ODAD2: variants seen among roughly 807,000 people sequenced by gnomAD.
The protein encoded by ODAD2 is outer dynein arm docking complex subunit 2, also known as outer dynein arm-docking complex subunit 2.
In ODAD2, 89 loss-of-function variants were observed where a neutral mutation model predicts 106.8. The ratio of observed to expected loss-of-function variants is 0.83; its 90% CI spans 0.70 to 0.99. The LOEUF (loss-of-function observed/expected upper bound fraction) is 0.99. Among genes scored for constraint, ODAD2 ranks in the 50% least tolerant of loss-of-function variants. ODAD2 has a pLI of 0.00. For missense variants in ODAD2, 1,168 were observed against 1,238.5 expected (o/e 0.94, Z 0.85); for synonymous variants, 404 against 436.2 (o/e 0.93, Z 0.92).
chr10:27,884,035 G>T (rs1368020407), intron 17 of ODAD2, among the ~76,000 whole-genome samples: 5 of 151,866 alleles, frequency 3.3e-5, no homozygotes, highest in African/African-American at 7.3e-5. Context: ...ATGGCCAAAA[G>T]TTCTCCAAAT....
intron 12 of ODAD2, among the ~76,000 whole-genome samples, chr10:27,941,021 T>A (rs1414736713): frequency 6.6e-6 from 1 of 152,124 alleles, no homozygotes; most frequent in African/African-American, 2.4e-5. Flanking sequence ...TACATTTCCT[T>A]CCCACAAGAA....
At chr10:27,904,347 G>A (rs2368274) in intron 17 of ODAD2, 17 of 280,788 alleles carry the variant, frequency 6.1e-5, no homozygotes, top group East Asian at 4.6e-4. Context: ...GAAGCAGAGC[G>A]GGAATCTTGG....
chr10:27,909,482 T>C (rs774794629), intron 16 of ODAD2, among the ~76,000 whole-genome samples: 4 of 152,162 alleles, frequency 2.6e-5, no homozygotes, highest in Non-Finnish European at 2.9e-5. Context: ...GCTACTTAGC[T>C]ATAATGAGTG....
intron 10 of ODAD2, among the ~76,000 whole-genome samples, chr10:27,961,286 C>T (rs1848122118): frequency 6.6e-6 from 1 of 152,156 alleles, no homozygotes; most frequent in South Asian, 2.1e-4. Context: ...TACCATACTA[C>T]AAATCATAAA....
At chr10:27,954,607 T>C (rs998881951) in intron 10 of ODAD2, among the ~76,000 whole-genome samples, 5 of 152,370 alleles carry the variant, frequency 3.3e-5, no homozygotes, top group African/African-American at 1.2e-4. Flanking sequence ...GGTAGCATAG[T>C]GCTAGCTAGT....
intron 19 of ODAD2, among the ~76,000 whole-genome samples, chr10:27,819,013 T>C (rs1564393512): frequency 6.6e-6 from 1 of 152,218 alleles, no homozygotes; most frequent in East Asian, 1.9e-4. Flanking sequence ...AGGGATCACA[T>C]ACCTCTGGGG....
At chr10:27,947,862 G>T (rs188124014) in intron 10 of ODAD2, among the ~76,000 whole-genome samples, 93 of 152,284 alleles carry the variant, frequency 6.1e-4, no homozygotes, top group African/African-American at 2.2e-3. Context: ...TTAATCGCTC[G>T]TGCTGAGGAC....
chr10:27,910,791 C>A (rs148079636), intron 16 of ODAD2, among the ~76,000 whole-genome samples: 1 of 151,876 alleles, frequency 6.6e-6, no homozygotes, highest in African/African-American at 2.4e-5. Context: ...AACAAAAAAA[C>A]AGATACAGTC....
In ODAD2 at chr10:27,998,471, A is replaced by AC. The variant is rs560210819; in HGVS notation, c.-39+522dup. Among the ~76,000 whole-genome samples the AC allele has an allele frequency of 1.8e-3, 280 of 152,132 alleles. 3 individuals carry two copies. The highest frequency in any genetic ancestry group is 6.5e-3 in the African/African-American group (270 of 41,524). On this transcript the variant is annotated intron_variant, in intron 1 of 19. Transcript: ENST00000305242. ...GAGCTGCAAAGGGCGGAGGAGAAAG[A>AC]CGGGCTGGGGGAAGGAGAGGCAGGG...
At chr10:27,916,794 T>G (rs1844405647) in intron 16 of ODAD2, among the ~76,000 whole-genome samples, 1 of 152,148 alleles carries the variant, frequency 6.6e-6, no homozygotes, top group African/African-American at 2.4e-5. Flanking sequence ...TGGTCAACAG[T>G]AGGCTATTAG....
At chr10:27,954,868 C>T (rs1423066750) in intron 10 of ODAD2, among the ~76,000 whole-genome samples, 2 of 152,180 alleles carry the variant, frequency 1.3e-5, no homozygotes, top group Admixed American at 6.5e-5. Flanking sequence ...ACACACATTA[C>T]CAGTAATCCA....
intron 19 of ODAD2, among the ~76,000 whole-genome samples, chr10:27,830,853 T>C (rs1437321107): frequency 1.3e-5 from 2 of 152,252 alleles, no homozygotes; most frequent in Admixed American, 6.5e-5. Flanking sequence ...ACTTATTTTG[T>C]GTTAATATGG....
chr10:27,845,672 G>T (rs996149720), intron 19 of ODAD2, among the ~76,000 whole-genome samples: 1 of 152,126 alleles, frequency 6.6e-6, no homozygotes, highest in East Asian at 1.9e-4. Context: ...GTATTCGGGA[G>T]ACCCATCTCA....
At position 27,885,557 on chromosome 10, in the gene ODAD2, AATATAAATATATATATATAT is replaced by A. The variant is rs1842052461; in HGVS notation, c.2610+22086_2610+22105del. 8.4e-4 allele frequency among the ~76,000 whole-genome samples: 14 copies of A among 16,702 alleles called. 2 individuals carry two copies. The highest frequency in any genetic ancestry group is 4.8e-3 in the Admixed American group (4 of 826). The allele number at this position is 16,702 out of a possible 152,430, so 11.0% of individuals were successfully genotyped here. On this transcript the variant is annotated intron_variant, in intron 17 of 19. Coordinates refer to ENST00000305242, the MANE Select transcript of ODAD2 (RefSeq NM_018076.5). ...AAATATATATATATATAAATATATA[AATATAAATATATATATATAT>A]AAATATATAAATATAAATATATATA...
rs555269800 is a variant in ODAD2 at position 27,871,837 on chromosome 10, A to T, written c.2611-9215T>A. ...GGACTTAGGATTGTCTTGGCAATGC[A>T]GGGTCTTTTTTGGTTCCACATGAAC... On this transcript the variant is annotated intron_variant, in intron 17 of 19. Transcript: ENST00000305242. Among the ~76,000 whole-genome samples the T allele has an allele frequency of 3.9e-5, 6 of 152,218 alleles. No homozygotes were observed. The East Asian group carries it at 7.7e-4, about 20-fold the overall frequency.
chr10:27,816,773 A>AAGTCTCGCTCTTTTGCCCAGGCTGG (rs1836165424), intron 19 of ODAD2, among the ~76,000 whole-genome samples: 1 of 152,082 alleles, frequency 6.6e-6, no homozygotes, highest in African/African-American at 2.4e-5. Flanking sequence ...TTGTTTAGAC[A>AAGTCTCGCTCTTTTGCCCAGGCTGG]AGTCTCGCTC....
chr10:27,903,421 T>C (rs557546934), intron 17 of ODAD2, among the ~76,000 whole-genome samples: 1 of 152,318 alleles, frequency 6.6e-6, no homozygotes, highest in East Asian at 1.9e-4. Context: ...ACCACTGCTA[T>C]TCAATATAGT....
chr10:27,826,339 G>A (rs1375483406), intron 19 of ODAD2, among the ~76,000 whole-genome samples: 3 of 152,082 alleles, frequency 2.0e-5, no homozygotes, highest in African/African-American at 7.2e-5. Flanking sequence ...TGCAGCAATG[G>A]CACACACATT....
chr10:27,917,581 A>T (rs4265508), intron 16 of ODAD2, among the ~76,000 whole-genome samples: 86,046 of 151,776 alleles, frequency 0.57, 24,662 homozygotes, highest in Middle Eastern at 0.64. Flanking sequence ...AGTCAAAAGT[A>T]GGTTCTTTTA....
Sources: allele counts gnomAD v4.1 joint callset (sites outside exome capture counted in the v4.1 genomes callset), GRCh38; gene constraint gnomAD v4.1.1; transcripts MANE v1.5; gene names NCBI Gene and HGNC (gene_info 2026-07-23, HGNC 2026-07-21).